Variants in LIPA observed in about 807,000 individuals in gnomAD.
LIPA encodes the protein lipase A, lysosomal acid type, also known as lysosomal acid lipase/cholesteryl ester hydrolase.
In LIPA, 26 loss-of-function variants were observed where a neutral mutation model predicts 40.6. The observed-to-expected ratio is 0.64, with a 90% CI of 0.47 to 0.89. LIPA has a LOEUF of 0.89. Ranked by LOEUF, LIPA falls within the 40% of genes least tolerant of loss-of-function variation. The pLI, the probability that LIPA is intolerant of heterozygous loss-of-function variation, is 0.00. For missense variants in LIPA, 455 were observed against 479.6 expected (o/e 0.95, Z 0.48); for synonymous variants, 188 against 168.4 (o/e 1.12, Z -0.90).
chr10:89,254,165 C>T (rs1046162871), upstream of LIPA, among the ~76,000 whole-genome samples: 1 of 152,250 alleles, frequency 6.6e-6, no homozygotes, highest in Non-Finnish European at 1.5e-5. Flanking sequence ...TGTGTGAGGC[C>T]TCCAATCCCA....
chr10:89,413,979 G>A (rs184721753), intron 1 of LIPA, among the ~76,000 whole-genome samples: 2 of 152,250 alleles, frequency 1.3e-5, no homozygotes, highest in Non-Finnish European at 2.9e-5. Flanking sequence ...TAAGGTATGG[G>A]TGTTTGACAT....
intron 1 of LIPA, among the ~76,000 whole-genome samples, chr10:89,303,352 G>T (rs920408884): frequency 3.9e-5 from 6 of 152,316 alleles, no homozygotes; most frequent in African/African-American, 1.4e-4. Flanking sequence ...TTTCTAAAAG[G>T]CTCCTCAGTG....
At chr10:89,413,659 C>A (rs904637058) in intron 1 of LIPA, among the ~76,000 whole-genome samples, 3 of 151,530 alleles carry the variant, frequency 2.0e-5, no homozygotes, top group African/African-American at 7.3e-5. Flanking sequence ...CCCAGCCACT[C>A]AGGAGGCTGA....
At chr10:89,253,122 A>T (rs915478673), upstream of LIPA, among the ~76,000 whole-genome samples, 17 of 152,220 alleles carry the variant, frequency 1.1e-4, no homozygotes. Context: ...TCTGAGTAAG[A>T]TGAGAAGCCA....
chr10:89,302,259 C>A, intron 1 of LIPA: 1 of 923,818 alleles, frequency 1.1e-6, no homozygotes, highest in Non-Finnish European at 1.7e-6. Context: ...ATGCCTCTAC[C>A]TCTGTTGGTT....
intron 2 of LIPA, chr10:89,402,355 T>C (rs1165843728): frequency 3.1e-6 from 5 of 1,614,194 alleles, no homozygotes; most frequent in Admixed American, 1.7e-5. Context: ...GAGTTATCCA[T>C]TGATGACGAT....
intron 2 of LIPA, chr10:89,393,412 A>C (rs376145216): frequency 1.3e-6 from 1 of 746,848 alleles, no homozygotes. Context: ...AAAGGGCCTA[A>C]TGTGGGAATT....
chr10:89,263,532 T>A (rs1320935904), intron 1 of LIPA, among the ~76,000 whole-genome samples: 1 of 152,222 alleles, frequency 6.6e-6, no homozygotes, highest in African/African-American at 2.4e-5. Context: ...AAACATATCA[T>A]GCAAAAGCAA....
At chr10:89,315,874 G>A (rs1185902972) in intron 1 of LIPA, among the ~76,000 whole-genome samples, 2 of 152,048 alleles carry the variant, frequency 1.3e-5, no homozygotes, top group Non-Finnish European at 2.9e-5. Flanking sequence ...AGGTCTCTAG[G>A]TCTAAATTTA....
At position 89,214,531 on chromosome 10, in the gene LIPA, T is replaced by C. The variant is rs1842594578; in HGVS notation, c.*297A>G. The C allele has an allele frequency of 3.7e-6, 1 of 273,154 alleles. No homozygotes were observed. The highest frequency in any genetic ancestry group is 8.4e-5 in the East Asian group (1 of 11,842). The allele number at this position is 273,154 out of a possible 1,614,324, so 16.9% of individuals were successfully genotyped here. On this transcript the variant is annotated 3_prime_UTR_variant, in exon 10 of 10. Coordinates refer to ENST00000336233, the MANE Select transcript of LIPA (RefSeq NM_000235.4). ...CAAAAAGTCAATATATTTTAAATTT[T>C]AAAAACAGAATGGATATAATGACCT... is the stretch of plus-strand genomic sequence containing the variant.
intron 1 of LIPA, among the ~76,000 whole-genome samples, chr10:89,290,086 A>C (rs987532797): frequency 6.6e-6 from 1 of 152,078 alleles, no homozygotes; most frequent in African/African-American, 2.4e-5. Context: ...AATAAAAAAA[A>C]CTCAAAGATA....
At chr10:89,403,148 A>G (rs1589640427) in intron 2 of LIPA, 1 of 1,614,028 alleles carries the variant, frequency 6.2e-7, no homozygotes, top group Admixed American at 1.7e-5. Context: ...ATCACCAGAT[A>G]GGGCTTTGCT....
intron 2 of LIPA, among the ~76,000 whole-genome samples, chr10:89,386,303 G>C (rs1210345877): frequency 5.9e-5 from 9 of 152,216 alleles, no homozygotes; most frequent in Non-Finnish European, 1.3e-4. Flanking sequence ...TGAAAGCGGG[G>C]AGTGACCAAT....
chr10:89,234,142 G>A (rs61853098), intron 3 of LIPA, among the ~76,000 whole-genome samples: 26,039 of 152,224 alleles, frequency 0.17, 2,411 homozygotes, highest in African/African-American at 0.24. Flanking sequence ...TCCACAAAGG[G>A]TTCTGGAGAA....
In LIPA at chr10:89,409,287, G is replaced by A. The variant is rs112556638; in HGVS notation, c.61+3504C>T. On this transcript the variant is annotated intron_variant, in intron 2 of 8. Coordinates refer to the LIPA transcript ENST00000371837. ...GAGGAACAGGCCGAAAAGGAAAAGC[G>A]AGATCAGAGAAAGACCGCAGCCTTA... is the stretch of plus-strand genomic sequence containing the variant. 4.6e-3 allele frequency among the ~76,000 whole-genome samples: 698 copies of A among 152,270 alleles called. 12 individuals are homozygous for A. Among genetic ancestry groups the A allele is most frequent in the African/African-American group, 0.015 (633 of 41,538 alleles).
chr10:89,336,158 AAGGG>A (rs529603450), intron 1 of LIPA, among the ~76,000 whole-genome samples: 4 of 136,068 alleles, frequency 2.9e-5, no homozygotes, highest in East Asian at 5.2e-4. Flanking sequence ...GGGAGGGAGG[AAGGG>A]AGGGAGGGAG....
At chr10:89,273,897 A>T (rs1477961543) in intron 1 of LIPA, among the ~76,000 whole-genome samples, 1 of 152,212 alleles carries the variant, frequency 6.6e-6, no homozygotes, top group African/African-American at 2.4e-5. Context: ...TTGTAAATAA[A>T]GTTTTATTGG....
chr10:89,412,982 CT>C, intron 1 of LIPA: 1 of 183,684 alleles, frequency 5.4e-6, no homozygotes, highest in South Asian at 7.4e-5. Context: ...CATCACTTAG[CT>C]ATACTTCTTG....
chr10:89,239,986 T>C (rs1842946732), intron 3 of LIPA, among the ~76,000 whole-genome samples: 1 of 152,094 alleles, frequency 6.6e-6, no homozygotes, highest in South Asian at 2.1e-4. Flanking sequence ...GCAACTTGAG[T>C]TCCAGAGCTT....
Sources: allele counts gnomAD v4.1 joint callset (sites outside exome capture counted in the v4.1 genomes callset), GRCh38; gene constraint gnomAD v4.1.1; transcripts MANE v1.5; gene names NCBI Gene and HGNC (gene_info 2026-07-23, HGNC 2026-07-21).